The following AMD1 variants were observed in gnomAD, a reference collection of about 807,000 sequenced individuals.
AMD1 encodes the protein adenosylmethionine decarboxylase 1, also known as S-adenosylmethionine decarboxylase proenzyme.
A neutral mutation model predicts 40.2 loss-of-function variants in AMD1; 11 were observed. The ratio of observed to expected loss-of-function variants is 0.27; its 90% CI spans 0.17 to 0.45. The LOEUF is 0.45. AMD1 is among the 20% of genes least tolerant of loss of function. The pLI, the probability that AMD1 is intolerant of heterozygous loss-of-function variation, is 1.00. For missense variants in AMD1, 257 were observed against 410.2 expected (o/e 0.63, Z 3.23); for synonymous variants, 121 against 130.8 (o/e 0.93, Z 0.51).
In AMD1 at chr6:110,895,432, A is replaced by C. The variant is rs1583226637; in HGVS notation, c.*1816A>C. The C allele has an allele frequency of 6.8e-6, 1 of 147,554 alleles. No individual in the cohort carries two copies. The highest frequency in any genetic ancestry group is 1.5e-5 in the Non-Finnish European group (1 of 67,174). The allele number at this position is 147,554 out of a possible 1,614,324, so 9.1% of individuals were successfully genotyped here. On this transcript the variant is annotated 3_prime_UTR_variant, in exon 9 of 9. Coordinates refer to ENST00000368885, the MANE Select transcript of AMD1 (RefSeq NM_001634.6). ...ATATCCCAATAGATTTGTTGACTTG[A>C]GGTCTGGTTTGGTTTTGTTTTTGTT...
rs200088771 is a variant in AMD1 at position 110,893,489 on chromosome 6, G to A, written c.878G>A (p.Arg293His). 33 of 1,613,778 alleles carry A rather than the reference G, an allele frequency of 2.0e-5. No individual in the cohort carries two copies. In the East Asian group the frequency reaches 2.9e-4, roughly 14 times the overall value. ...TLFVNQSSKCRTVLASPQKIE... is the reference protein window; with the variant it reads ...TLFVNQSSKCHTVLASPQKIE... The stretch of plus-strand genomic sequence containing the variant: ...TTTTTCCCCCAGAGTTCTAAATGTC[G>A]CACAGTGCTTGCTTCGCCCCAGAAG... Residue 293 changes from arginine to histidine, a missense_variant, in exon 9 of 9, where the codon CGC becomes CAC. Around this residue, in one of 3 missense-constraint regions of AMD1, gnomAD observed 192 missense variants for 296.5 expected, o/e 0.65. Coordinates refer to ENST00000368885, the MANE Select transcript of AMD1 (RefSeq NM_001634.6).
At chr6:110,876,726 CCTT>C (rs1209383819) in intron 1 of AMD1, among the ~76,000 whole-genome samples, 1 of 152,106 alleles carries the variant, frequency 6.6e-6, no homozygotes, top group Non-Finnish European at 1.5e-5. Context: ...CTTAGTATTT[CCTT>C]CATTTCACAG....
At chr6:110,881,573 T>C (rs1196678904) in intron 1 of AMD1, among the ~76,000 whole-genome samples, 1 of 152,114 alleles carries the variant, frequency 6.6e-6, no homozygotes, top group Admixed American at 6.6e-5. Flanking sequence ...CCCAGCACTT[T>C]GGGAGGCCGA....
chr6:110,874,614 T>C (rs1430446222), upstream of AMD1, among the ~76,000 whole-genome samples: 3 of 151,422 alleles, frequency 2.0e-5, no homozygotes, highest in Non-Finnish European at 4.4e-5. Flanking sequence ...CGCAGCGCAG[T>C]GGGCAGCTCC....
chr6:110,886,650 G>T (rs1207339173), intron 1 of AMD1, among the ~76,000 whole-genome samples: 1 of 152,190 alleles, frequency 6.6e-6, no homozygotes, highest in Non-Finnish European at 1.5e-5. Context: ...GCACATGCCT[G>T]TGGTTCTAGC....
chr6:110,872,814 TG>T (rs1356763895), upstream of AMD1, among the ~76,000 whole-genome samples: 1 of 152,152 alleles, frequency 6.6e-6, no homozygotes, highest in Admixed American at 6.5e-5. Flanking sequence ...TAAATTGCAC[TG>T]GGAAAAAAGC....
chr6:110,867,153 T>C, the AMD1 span, among the ~76,000 whole-genome samples: 1 of 150,310 alleles, frequency 6.7e-6, no homozygotes, highest in East Asian at 1.9e-4. Flanking sequence ...TTTTCTTTTT[T>C]TCTTTTTTTT....
upstream of AMD1, among the ~76,000 whole-genome samples, chr6:110,873,680 G>A (rs1301202002): frequency 6.6e-6 from 1 of 152,096 alleles, no homozygotes; most frequent in Admixed American, 6.5e-5. Flanking sequence ...TTTGTTACCA[G>A]TTTTGCCATC....
chr6:110,850,023 A>G, the AMD1 span, among the ~76,000 whole-genome samples: 3 of 147,996 alleles, frequency 2.0e-5, no homozygotes, highest in Non-Finnish European at 4.5e-5. Flanking sequence ...AACACTGTCA[A>G]AAAAAAAAAA....
In AMD1 at chr6:110,874,989, A is replaced by G. The variant is rs970807623; in HGVS notation, c.-117A>G. On this transcript the variant is annotated 5_prime_UTR_variant, in exon 1 of 9. Coordinates refer to ENST00000368885, the MANE Select transcript of AMD1 (RefSeq NM_001634.6). Reference sequence around the variant, plus strand: ...TAAAATTATAGCAAAAAAAAAAAGGAACCTGAACTTTAGTAACACAGCTGG... The same window carrying G: ...TAAAATTATAGCAAAAAAAAAAAGGGACCTGAACTTTAGTAACACAGCTGG... 1.6e-5 allele frequency: 11 copies of G among 691,820 alleles called. No homozygotes were observed. The highest frequency in any genetic ancestry group is 2.6e-5 in the Non-Finnish European group (11 of 419,556). 42.9% of individuals were successfully genotyped at this position (691,820 alleles called of 1,614,324 possible). A position where few individuals can be genotyped will look rare whatever the true frequency, so the allele number is the denominator to read the frequency against.
the AMD1 span, among the ~76,000 whole-genome samples, chr6:110,817,628 A>T: frequency 2.0e-5 from 3 of 152,206 alleles, no homozygotes; most frequent in Non-Finnish European, 4.4e-5. Context: ...TGGTATCTTT[A>T]ATCAAGAAAA....
chr6:110,877,899 TAA>T (rs1364731859), intron 1 of AMD1, among the ~76,000 whole-genome samples: 1 of 151,978 alleles, frequency 6.6e-6, no homozygotes, highest in Non-Finnish European at 1.5e-5. Flanking sequence ...CATAGGGACA[TAA>T]AAACGATTAA....
intron 1 of AMD1, among the ~76,000 whole-genome samples, chr6:110,884,173 A>T (rs1583216341): frequency 6.6e-6 from 1 of 152,216 alleles, no homozygotes; most frequent in South Asian, 2.1e-4. Flanking sequence ...TTCATAACAA[A>T]CCTGACACTG....
the AMD1 span, among the ~76,000 whole-genome samples, chr6:110,826,599 G>A: frequency 6.6e-6 from 1 of 151,920 alleles, no homozygotes; most frequent in Non-Finnish European, 1.5e-5. Context: ...GGCAGTCCTT[G>A]CTTTATGGCA....
chr6:110,869,459 A>T, the AMD1 span, among the ~76,000 whole-genome samples: 1 of 145,726 alleles, frequency 6.9e-6, no homozygotes. Flanking sequence ...TTTCTTCTGT[A>T]TTTTGCAGTA....
At chr6:110,877,457 GT>G (rs1050247787) in intron 1 of AMD1, among the ~76,000 whole-genome samples, 11 of 152,270 alleles carry the variant, frequency 7.2e-5, no homozygotes, top group African/African-American at 2.7e-4. Context: ...AGTCCGGTCG[GT>G]GGGGACATGG....
the AMD1 span, among the ~76,000 whole-genome samples, chr6:110,852,721 A>G: frequency 1.3e-5 from 2 of 152,188 alleles, no homozygotes; most frequent in South Asian, 2.1e-4. Context: ...CCATTTTTAC[A>G]ACAAACTTCT....
chr6:110,829,101 C>T, the AMD1 span, among the ~76,000 whole-genome samples: 1 of 149,912 alleles, frequency 6.7e-6, no homozygotes, highest in Non-Finnish European at 1.5e-5. Flanking sequence ...ACCTGACAGG[C>T]GGAGGTTGCA....
chr6:110,824,773 C>A, the AMD1 span, among the ~76,000 whole-genome samples: 4 of 151,990 alleles, frequency 2.6e-5, no homozygotes, highest in Non-Finnish European at 2.9e-5. Flanking sequence ...AGGAAAGAAA[C>A]AATGGCTTTG....
Sources: gnomAD v4.1 joint callset for allele counts (sites outside exome capture counted in the v4.1 genomes callset) on GRCh38, gnomAD v4.1.1 for gene constraint, gnomAD v4.1.1 regional missense constraint, MANE v1.5 for transcripts, NCBI Gene and HGNC (gene_info 2026-07-23, HGNC 2026-07-21) for gene names.